The following ZFHX3 variants were observed in gnomAD, a reference collection of about 807,000 sequenced individuals.
ZFHX3 encodes zinc finger homeobox protein 3.
Under a neutral mutation model 279.1 loss-of-function variants are expected in ZFHX3, and 42 were observed. The ratio of observed to expected loss-of-function variants is 0.15; its 90% CI spans 0.12 to 0.19. The LOEUF (loss-of-function observed/expected upper bound fraction) is 0.19. Ranked by LOEUF, ZFHX3 falls within the 10% of genes least tolerant of loss-of-function variation. The pLI is 1.00. For synonymous variants in ZFHX3, 2,293 were observed against 1,957.8 expected (o/e 1.17, Z -4.52); for missense variants, 4,981 against 4,754.0 (o/e 1.05, Z -1.40).
chr16:72,824,607 C>T (rs994742344), intron 5 of ZFHX3, among the ~76,000 whole-genome samples: 4 of 152,174 alleles, frequency 2.6e-5, no homozygotes, highest in Admixed American at 2.6e-4. Context: ...TCCCAAATTA[C>T]CTTAACTAGA....
intron 2 of ZFHX3, among the ~76,000 whole-genome samples, chr16:73,589,063 A>G (rs1043647361): frequency 1.3e-5 from 2 of 151,534 alleles, no homozygotes; most frequent in African/African-American, 4.9e-5. Context: ...AATCGAGACC[A>G]TCCTGGCTAA....
intron 5 of ZFHX3, among the ~76,000 whole-genome samples, chr16:73,209,067 T>C (rs1455066476): frequency 6.6e-6 from 1 of 152,170 alleles, no homozygotes; most frequent in African/African-American, 2.4e-5. Flanking sequence ...TTAATTATCA[T>C]ACTCTCTACT....
At chr16:73,173,192 G>A (rs1308500373) in intron 5 of ZFHX3, among the ~76,000 whole-genome samples, 2 of 151,808 alleles carry the variant, frequency 1.3e-5, no homozygotes, top group African/African-American at 2.4e-5. Context: ...GGAAGACTGA[G>A]GGGAGGCTTT....
At chr16:73,876,328 C>T (rs1052928056) in intron 1 of ZFHX3, among the ~76,000 whole-genome samples, 3 of 152,164 alleles carry the variant, frequency 2.0e-5, no homozygotes, top group African/African-American at 7.2e-5. Context: ...TAAGTTTTAC[C>T]ACACCCATGT....
At chr16:73,006,396 G>A (rs1963702435) in intron 1 of ZFHX3, among the ~76,000 whole-genome samples, 1 of 152,106 alleles carries the variant, frequency 6.6e-6, no homozygotes, top group Admixed American at 6.5e-5. Context: ...GCCAACGCAG[G>A]AGGATAACTT....
At chr16:73,643,584 T>C (rs992837041) in intron 2 of ZFHX3, among the ~76,000 whole-genome samples, 5 of 152,250 alleles carry the variant, frequency 3.3e-5, no homozygotes, top group Non-Finnish European at 5.9e-5. Flanking sequence ...GAAGTTACCT[T>C]TTTCTCTCTG....
chr16:73,791,905 G>T (rs1422054905), intron 1 of ZFHX3, among the ~76,000 whole-genome samples: 2 of 152,190 alleles, frequency 1.3e-5, no homozygotes, highest in East Asian at 3.8e-4. Context: ...AAAGTATGAA[G>T]CCATTCAAGC....
At chr16:73,820,773 A>T (rs1960716666) in intron 1 of ZFHX3, among the ~76,000 whole-genome samples, 1 of 151,788 alleles carries the variant, frequency 6.6e-6, no homozygotes, top group Non-Finnish European at 1.5e-5. Flanking sequence ...AACCACACTG[A>T]TATTTCTATG....
At chr16:73,495,789 G>A (rs886226217) in intron 2 of ZFHX3, among the ~76,000 whole-genome samples, 2 of 152,152 alleles carry the variant, frequency 1.3e-5, no homozygotes, top group African/African-American at 4.8e-5. Flanking sequence ...GTGGCCAAGT[G>A]GCTAAATGCA....
chr16:73,563,315 G>T (rs1211498908), intron 2 of ZFHX3, among the ~76,000 whole-genome samples: 1 of 150,710 alleles, frequency 6.6e-6, no homozygotes, highest in Non-Finnish European at 1.5e-5. Flanking sequence ...TCGGCTCACT[G>T]CAAGCTCTGC....
chr16:73,457,481 C>T (rs776821900), intron 2 of ZFHX3, among the ~76,000 whole-genome samples: 3 of 152,252 alleles, frequency 2.0e-5, no homozygotes, highest in East Asian at 1.9e-4. Flanking sequence ...ACTTACAAAA[C>T]GAGGGAGTCG....
intron 2 of ZFHX3, among the ~76,000 whole-genome samples, chr16:73,644,680 CT>C (rs2052602625): frequency 3.2e-5 from 3 of 94,834 alleles, no homozygotes; most frequent in South Asian, 3.9e-4. Flanking sequence ...TAAAACAAAA[CT>C]AAACAAAAAA....
intron 3 of ZFHX3, among the ~76,000 whole-genome samples, chr16:72,902,358 C>A (rs1022722975): frequency 6.6e-6 from 1 of 152,152 alleles, no homozygotes; most frequent in Non-Finnish European, 1.5e-5. Context: ...ATCAATAGCC[C>A]GGACCAGCTT....
At chr16:73,455,980 C>T (rs1347690376) in intron 3 of ZFHX3, 1 of 152,082 alleles carries the variant, frequency 6.6e-6, no homozygotes, top group Non-Finnish European at 1.5e-5. Flanking sequence ...TTTCTTAGAA[C>T]CCGAAGCAGA....
At chr16:72,954,803 C>T (rs879841414) in intron 2 of ZFHX3, among the ~76,000 whole-genome samples, 1 of 152,192 alleles carries the variant, frequency 6.6e-6, no homozygotes, top group Non-Finnish European at 1.5e-5. Flanking sequence ...TCAAAGGCTT[C>T]TGAAAAGAAG....
intron 2 of ZFHX3, among the ~76,000 whole-genome samples, chr16:73,669,302 C>T (rs1034190419): frequency 3.3e-5 from 5 of 152,200 alleles, no homozygotes; most frequent in Non-Finnish European, 5.9e-5. Context: ...AATCCACCCG[C>T]CTTGGCCTCC....
At chr16:73,310,208 G>T (rs774967571) in intron 4 of ZFHX3, among the ~76,000 whole-genome samples, 4 of 152,120 alleles carry the variant, frequency 2.6e-5, no homozygotes, top group Non-Finnish European at 5.9e-5. Flanking sequence ...CACCCGGTCT[G>T]CTTTGGGACT....
chr16:73,440,750 A>C (rs1185922659), intron 3 of ZFHX3, among the ~76,000 whole-genome samples: 1 of 152,198 alleles, frequency 6.6e-6, no homozygotes, highest in African/African-American at 2.4e-5. Flanking sequence ...AATGGCTTTG[A>C]AAAAATCCAT....
intron 1 of ZFHX3, among the ~76,000 whole-genome samples, chr16:73,042,714 CTT>C (rs1487964290): frequency 6.6e-6 from 1 of 152,024 alleles, no homozygotes; most frequent in East Asian, 1.9e-4. Context: ...GCCAAGATAA[CTT>C]TTGGGACAGT....
Sources: allele counts gnomAD v4.1 joint callset (sites outside exome capture counted in the v4.1 genomes callset), GRCh38; gene constraint gnomAD v4.1.1; transcripts MANE v1.5; gene names NCBI Gene and HGNC (gene_info 2026-07-23, HGNC 2026-07-21).